The following NDEL1 variants were observed in gnomAD, a reference collection of about 807,000 sequenced individuals.
NDEL1 encodes the protein nuclear distribution protein nudE-like 1.
In NDEL1, 9 loss-of-function variants were observed where a neutral mutation model predicts 45.7. That is an observed-to-expected ratio of 0.20 (90% confidence interval 0.12 to 0.34). The LOEUF (loss-of-function observed/expected upper bound fraction) is 0.34, where lower values mean the gene tolerates loss of function less well. Ranked by LOEUF, NDEL1 falls within the 10% of genes least tolerant of loss-of-function variation. The probability of loss-of-function intolerance (pLI) is 1.00; values close to 1 mark genes in which losing one functional copy is unlikely to be tolerated. For synonymous variants in NDEL1, 133 were observed against 158.6 expected, an observed-to-expected ratio of 0.84 and a Z score of 1.21; for missense variants, 306 against 406.2, an observed-to-expected ratio of 0.75 and a Z score of 2.12.
intron 8 of NDEL1, chr17:8,460,996 C>T (rs1432279065): frequency 6.6e-6 from 1 of 152,090 alleles, no homozygotes; most frequent in African/African-American, 2.4e-5. Flanking sequence ...ATATAGGTCA[C>T]TATTAGGACC....
At chr17:8,453,181 C>A (rs1339081714) in intron 6 of NDEL1, among the ~76,000 whole-genome samples, 1 of 152,134 alleles carries the variant, frequency 6.6e-6, no homozygotes, top group Non-Finnish European at 1.5e-5. Context: ...TTTTATATCA[C>A]GTTGAGCGCC....
intron 1 of NDEL1, among the ~76,000 whole-genome samples, chr17:8,437,477 A>G (rs1428096177): frequency 6.6e-6 from 1 of 152,218 alleles, no homozygotes; most frequent in East Asian, 1.9e-4. Flanking sequence ...ATTTTAAACC[A>G]TGCTGGGATA....
chr17:8,439,376 G>A (rs1909583292), intron 1 of NDEL1, among the ~76,000 whole-genome samples: 2 of 151,498 alleles, frequency 1.3e-5, no homozygotes, highest in Admixed American at 1.3e-4. Context: ...GAGTAGCTGG[G>A]ATTACAGGTG....
At chr17:8,425,678 T>C (rs550214721) in intron 1 of NDEL1, among the ~76,000 whole-genome samples, 1 of 152,216 alleles carries the variant, frequency 6.6e-6, no homozygotes, top group South Asian at 2.1e-4. Flanking sequence ...AAATAAGTCA[T>C]GGCCGCTGCC....
chr17:8,420,889 C>T (rs1309945204), intron 1 of NDEL1, among the ~76,000 whole-genome samples: 1 of 152,172 alleles, frequency 6.6e-6, no homozygotes, highest in Non-Finnish European at 1.5e-5. Context: ...TGAAGTTTTG[C>T]TCTTTGCTGG....
chr17:8,463,320 G>A, intron 8 of NDEL1: 2 of 1,611,162 alleles, frequency 1.2e-6, no homozygotes, highest in Non-Finnish European at 1.7e-6. Flanking sequence ...CTTTTATTAG[G>A]CAAGAAAAAG....
At chr17:8,450,522 TCTGCA>T (rs1910423360) in intron 5 of NDEL1, among the ~76,000 whole-genome samples, 1 of 152,244 alleles carries the variant, frequency 6.6e-6, no homozygotes, top group Non-Finnish European at 1.5e-5. Flanking sequence ...TACTGTGGAC[TCTGCA>T]CTGTTTCTTT....
chr17:8,425,313 T>C (rs57526207), intron 1 of NDEL1, among the ~76,000 whole-genome samples: 2,058 of 152,372 alleles, frequency 0.014, 39 homozygotes, highest in African/African-American at 0.046. Context: ...CCAGGCGCAG[T>C]GGCGCATGCC....
downstream of NDEL1, among the ~76,000 whole-genome samples, chr17:8,469,641 TAAAA>T (rs1255496548): frequency 2.0e-5 from 3 of 151,938 alleles, no homozygotes; most frequent in Non-Finnish European, 4.4e-5. Flanking sequence ...ACTTTAAAAT[TAAAA>T]AAATTTTTGT....
chr17:8,464,406 CTT>C (rs1031125314), intron 8 of NDEL1: 2 of 152,152 alleles, frequency 1.3e-5, no homozygotes, highest in African/African-American at 4.8e-5. Context: ...TCTTGCAAAT[CTT>C]TTCCCCATGC....
At chr17:8,425,986 C>T (rs1284153028) in intron 1 of NDEL1, among the ~76,000 whole-genome samples, 3 of 152,068 alleles carry the variant, frequency 2.0e-5, no homozygotes, top group Admixed American at 6.6e-5. Flanking sequence ...AGATGGGTCT[C>T]GCCATGTTAC....
At chr17:8,439,580 A>G (rs1909601218) in intron 1 of NDEL1, among the ~76,000 whole-genome samples, 1 of 152,018 alleles carries the variant, frequency 6.6e-6, no homozygotes, top group Non-Finnish European at 1.5e-5. Flanking sequence ...TTTGTTCTTA[A>G]TGTGGCTCAT....
intron 1 of NDEL1, among the ~76,000 whole-genome samples, chr17:8,441,014 A>T (rs1909697729): frequency 6.6e-6 from 1 of 152,234 alleles, no homozygotes; most frequent in Admixed American, 6.5e-5. Context: ...CAAGGAAGGT[A>T]TCTAACAGTC....
At chr17:8,436,560 C>T (rs950184773) in intron 1 of NDEL1, 1 of 152,346 alleles carries the variant, frequency 6.6e-6, no homozygotes, top group African/African-American at 2.4e-5. Context: ...TGGCATTCTC[C>T]TGACTCCCGC....
Position 8,450,797 on chromosome 17 carries a change from G to A in NDEL1, c.544G>A (p.Ala182Thr). 1 of 1,609,696 alleles carries A rather than the reference G, an allele frequency of 6.2e-7. No individual in the cohort carries two copies. Among genetic ancestry groups the A allele is most frequent in the Non-Finnish European group, 8.5e-7 (1 of 1,178,438 alleles). ...DEARDLRQEL[A>T]VRERQQEVTR... ...TTTTACAGATTTAAGGCAAGAACTAGCAGTTCGGGAAAGACAACAGGAAGT... is the reference window on the plus strand; with the variant it reads ...TTTTACAGATTTAAGGCAAGAACTAACAGTTCGGGAAAGACAACAGGAAGT... Residue 182 changes from alanine to threonine, a missense_variant, in exon 6 of 9, where the codon GCA (alanine) becomes ACA (threonine). Transcript: ENST00000334527.
At chr17:8,469,861 A>AT (rs762773754), downstream of NDEL1, among the ~76,000 whole-genome samples, 37,499 of 128,562 alleles carry the variant, frequency 0.29, 5,864 homozygotes, top group African/African-American at 0.34. Flanking sequence ...TGCCTGGCTA[A>AT]TTTTTTTTTT....
chr17:8,430,608 T>G (rs969017881), intron 1 of NDEL1, among the ~76,000 whole-genome samples: 1 of 152,166 alleles, frequency 6.6e-6, no homozygotes, highest in Non-Finnish European at 1.5e-5. Context: ...GGGATCCTCA[T>G]GCATGCTCTC....
chr17:8,470,846 G>A (rs991897724), downstream of NDEL1, among the ~76,000 whole-genome samples: 1 of 152,214 alleles, frequency 6.6e-6, no homozygotes, highest in African/African-American at 2.4e-5. The surrounding 1 kb of genome is among the most constrained non-coding windows in gnomAD (Gnocchi z 4.2). Context: ...ATCGGTTCAC[G>A]TAGCCTTCCT....
chr17:8,456,407 G>T (rs910335685), intron 7 of NDEL1, among the ~76,000 whole-genome samples: 1 of 150,352 alleles, frequency 6.7e-6, no homozygotes, highest in Non-Finnish European at 1.5e-5. Flanking sequence ...TTTAAGCAAA[G>T]ATATTTTTAT....
Sources: gnomAD v4.1 joint callset for allele counts (sites outside exome capture counted in the v4.1 genomes callset) on GRCh38, gnomAD v4.1.1 for gene constraint, Gnocchi (gnomAD v3.1) non-coding constraint, MANE v1.5 for transcripts, NCBI Gene and HGNC (gene_info 2026-07-23, HGNC 2026-07-21) for gene names.